The following SCHIP1 variants were observed in gnomAD, a reference collection of about 807,000 sequenced individuals.
SCHIP1 encodes the protein schwannomin interacting protein 1, also known as schwannomin-interacting protein 1.
A neutral mutation model predicts 29.7 loss-of-function variants in SCHIP1; 8 were observed. That is an observed-to-expected ratio of 0.27 (90% CI 0.16 to 0.49). The LOEUF is 0.49. Ranked by LOEUF, SCHIP1 falls within the 20% of genes least tolerant of loss-of-function variation. The probability of loss-of-function intolerance (pLI) is 0.99; values close to 1 mark genes in which losing one functional copy is unlikely to be tolerated. For synonymous variants in SCHIP1, 76 were observed against 94.9 expected (o/e 0.80, Z 1.16); for missense variants, 193 against 294.6 (o/e 0.66, Z 2.52).
chr3:159,688,664 T>C, the SCHIP1 span, among the ~76,000 whole-genome samples: 2 of 152,210 alleles, frequency 1.3e-5, no homozygotes, highest in Non-Finnish European at 2.9e-5. Flanking sequence ...AGTCATGAAG[T>C]CTTTGCCCAT....
the SCHIP1 span, among the ~76,000 whole-genome samples, chr3:159,804,594 A>T: frequency 1.3e-5 from 2 of 152,294 alleles, no homozygotes; most frequent in East Asian, 3.9e-4. Flanking sequence ...CATAAAGTTT[A>T]TTAAATAGTA....
At chr3:159,311,449 T>C in the SCHIP1 span, among the ~76,000 whole-genome samples, 33 of 152,160 alleles carry the variant, frequency 2.2e-4, no homozygotes, top group Non-Finnish European at 5.9e-5. Context: ...CCAGATCATT[T>C]TTCCAGTTGT....
chr3:159,837,762 G>A (rs1409677219), upstream of SCHIP1, among the ~76,000 whole-genome samples: 15 of 152,118 alleles, frequency 9.9e-5, no homozygotes, highest in East Asian at 2.9e-3. Context: ...TTGGGTGGTT[G>A]TATTGCAAGG....
the SCHIP1 span, among the ~76,000 whole-genome samples, chr3:159,382,354 G>A: frequency 0.027 from 4,047 of 150,438 alleles, 78 homozygotes; most frequent in East Asian, 0.11. Context: ...GAGAATATGC[G>A]GTGTTTGATT....
chr3:159,699,268 A>G, the SCHIP1 span, among the ~76,000 whole-genome samples: 190 of 152,334 alleles, frequency 1.2e-3, no homozygotes, highest in African/African-American at 4.5e-3. Flanking sequence ...AAATATTAAT[A>G]TCCCCATTTT....
At chr3:159,676,187 G>A in the SCHIP1 span, among the ~76,000 whole-genome samples, 1 of 152,124 alleles carries the variant, frequency 6.6e-6, no homozygotes, top group African/African-American at 2.4e-5. Context: ...GAGGGGTACT[G>A]GGCTCCAGAA....
At chr3:159,699,814 A>G in the SCHIP1 span, among the ~76,000 whole-genome samples, 22 of 152,230 alleles carry the variant, frequency 1.4e-4, 1 homozygote, top group Middle Eastern at 6.3e-3. Context: ...GATACTCTTG[A>G]AGAAACAGGT....
the SCHIP1 span, among the ~76,000 whole-genome samples, chr3:159,545,588 CTGTG>C: frequency 1.7e-4 from 25 of 146,942 alleles, no homozygotes; most frequent in African/African-American, 4.2e-4. Flanking sequence ...ATATATATGT[CTGTG>C]TGTGTGTGTG....
chr3:159,312,853 G>A, the SCHIP1 span, among the ~76,000 whole-genome samples: 14 of 152,066 alleles, frequency 9.2e-5, no homozygotes, highest in Admixed American at 8.5e-4. Context: ...GCAGAACAAG[G>A]ATAAACACCA....
intron 1 of SCHIP1, among the ~76,000 whole-genome samples, chr3:159,842,517 A>G (rs1453161926): frequency 6.6e-6 from 1 of 152,174 alleles, no homozygotes; most frequent in East Asian, 1.9e-4. Flanking sequence ...ATCATGTCCC[A>G]TATCTCAAAA....
At chr3:159,857,095 A>G (rs1299016235) in intron 1 of SCHIP1, among the ~76,000 whole-genome samples, 1 of 152,192 alleles carries the variant, frequency 6.6e-6, no homozygotes, top group Non-Finnish European at 1.5e-5. Flanking sequence ...CCTTTTCTTA[A>G]AAAGAAAGAA....
the SCHIP1 span, among the ~76,000 whole-genome samples, chr3:159,745,745 A>G: frequency 2.6e-5 from 4 of 152,226 alleles, no homozygotes; most frequent in Non-Finnish European, 5.9e-5. Flanking sequence ...GACCTTGTTT[A>G]GTAGATTACT....
At chr3:159,626,176 CTATCTAGATAGATAGA>C in the SCHIP1 span, among the ~76,000 whole-genome samples, 25 of 71,344 alleles carry the variant, frequency 3.5e-4, no homozygotes, top group Admixed American at 3.0e-3. Flanking sequence ...ATATATCTAT[CTATCTAGATAGATAGA>C]TAGATAGATA....
At chr3:159,884,341 G>A (rs1287115955) in intron 2 of SCHIP1, among the ~76,000 whole-genome samples, 1 of 132,962 alleles carries the variant, frequency 7.5e-6, no homozygotes, top group Non-Finnish European at 1.6e-5. Context: ...ATATATGTGT[G>A]TCTGTGTCTG....
At chr3:159,884,335 ATGTGTGTCTGTGTCTGTGTG>A (rs1261957555) in intron 2 of SCHIP1, among the ~76,000 whole-genome samples, 2 of 135,100 alleles carry the variant, frequency 1.5e-5, no homozygotes, top group Non-Finnish European at 3.2e-5. Flanking sequence ...AAAAATATAT[ATGTGTGTCTGTGTCTGTGTG>A]TGTGTGTGTG....
At chr3:159,572,884 C>T in the SCHIP1 span, among the ~76,000 whole-genome samples, 1 of 149,130 alleles carries the variant, frequency 6.7e-6, no homozygotes, top group East Asian at 1.9e-4. Flanking sequence ...CTCTTTTGAT[C>T]TTTGTTGGTT....
chr3:159,710,329 T>A, the SCHIP1 span, among the ~76,000 whole-genome samples: 1 of 151,990 alleles, frequency 6.6e-6, no homozygotes, highest in Non-Finnish European at 1.5e-5. Flanking sequence ...CTAAGTGAAA[T>A]AAGCCAGGCA....
chr3:159,788,587 C>T, the SCHIP1 span, among the ~76,000 whole-genome samples: 1 of 152,096 alleles, frequency 6.6e-6, no homozygotes, highest in African/African-American at 2.4e-5. Context: ...GGCTGATTTC[C>T]AAGAGCCCCC....
chr3:159,561,114 G>A, the SCHIP1 span, among the ~76,000 whole-genome samples: 1 of 152,118 alleles, frequency 6.6e-6, no homozygotes. Flanking sequence ...TTTGTAAAGT[G>A]TATTCTTACA....
Sources: allele counts gnomAD v4.1 joint callset (sites outside exome capture counted in the v4.1 genomes callset), GRCh38; gene constraint gnomAD v4.1.1; transcripts MANE v1.5; gene names NCBI Gene and HGNC (gene_info 2026-07-23, HGNC 2026-07-21).